The following ARMC9 variants were observed in gnomAD, a reference collection of about 807,000 sequenced individuals.
ARMC9 encodes the protein armadillo repeat containing 9.
In ARMC9, 94 loss-of-function variants were observed where a neutral mutation model predicts 107.0. The ratio of observed to expected loss-of-function variants is 0.88; its 90% CI spans 0.74 to 1.04. The LOEUF is 1.04. ARMC9 is among the 50% of genes least tolerant of loss of function. The probability of loss-of-function intolerance (pLI) is 0.00; values close to 1 mark genes in which losing one functional copy is unlikely to be tolerated. For missense variants in ARMC9, 942 were observed against 1,030.1 expected, an observed-to-expected ratio of 0.91 and a Z score of 1.17; for synonymous variants, 380 against 396.9, an observed-to-expected ratio of 0.96 and a Z score of 0.51.
At chr2:231,345,111 G>A (rs1559492123) in intron 21 of ARMC9, 21 bp downstream of exon 21, 1 of 1,608,798 alleles carries the variant, frequency 6.2e-7, no homozygotes, top group Non-Finnish European at 8.5e-7. Flanking sequence ...GCTAAAGGAA[G>A]CGGGAATTGA....
chr2:231,362,218 C>T lies in ARMC9; in HGVS notation c.2261+1335C>T, dbSNP rs2045617554. 6.6e-6 allele frequency among the ~76,000 whole-genome samples: 1 copy of T among 152,110 alleles called. No individual in the cohort carries two copies. The highest frequency in any genetic ancestry group is 6.5e-5 in the Admixed American group (1 of 15,268). On this transcript the variant is annotated intron_variant, in intron 23 of 24. Transcript: ENST00000611582. The surrounding 1 kb of genome is among the most constrained non-coding windows in gnomAD (Gnocchi z 4.7). ...CTGAAGAGGAGCTTGTCAGCTAGACCAGGGGTTCTCAGGCTCTCAGCATCC... is the reference window on the plus strand; with the variant it reads ...CTGAAGAGGAGCTTGTCAGCTAGACTAGGGGTTCTCAGGCTCTCAGCATCC...
At chr2:231,290,274 A>C (rs867162657) in intron 17 of ARMC9, among the ~76,000 whole-genome samples, 19 of 152,206 alleles carry the variant, frequency 1.2e-4, no homozygotes, top group African/African-American at 3.9e-4. Context: ...ACTTTTCTAG[A>C]AGGTAGTGCT....
At position 231,221,830 on chromosome 2, in the gene ARMC9, C is replaced by CAAAAA. The variant is rs61031104; in HGVS notation, c.505-884_505-880dup. Among the ~76,000 whole-genome samples the CAAAAA allele has an allele frequency of 6.7e-3, 498 of 73,918 alleles. 22 individuals carry two copies. Among genetic ancestry groups the CAAAAA allele is most frequent in the African/African-American group, 0.021 (404 of 18,868 alleles). The allele number at this position is 73,918 out of a possible 152,430, so 48.5% of individuals were successfully genotyped here. ...TGGGTGACAAAGCAAGACTCTGTCT[C>CAAAAA]AAAAAAAAAAAAAAAAAAGAACTTT... On this transcript the variant is annotated intron_variant, in intron 5 of 24. Transcript: ENST00000611582.
At chr2:231,361,256 G>A (rs2045565911) in intron 23 of ARMC9, among the ~76,000 whole-genome samples, 1 of 152,114 alleles carries the variant, frequency 6.6e-6, no homozygotes, top group South Asian at 2.1e-4. Flanking sequence ...GAAAGATGGA[G>A]AAGGAGGTGA....
chr2:231,250,645 G>A (rs776200524), intron 9 of ARMC9, among the ~76,000 whole-genome samples: 3 of 152,186 alleles, frequency 2.0e-5, no homozygotes, highest in African/African-American at 2.4e-5. Flanking sequence ...CTTGGAGGAT[G>A]GGGGGTGAAG....
intron 8 of ARMC9, among the ~76,000 whole-genome samples, chr2:231,237,753 G>GTATATATATATATATATA (rs1226959333): frequency 8.2e-5 from 2 of 24,428 alleles, no homozygotes; most frequent in African/African-American, 2.7e-4. Context: ...TTGGCTATAT[G>GTATATATATATATATATA]TATATATATA....
At chr2:231,259,164 G>C in intron 11 of ARMC9, 62 bp downstream of exon 11, 1 of 1,375,218 alleles carries the variant, frequency 7.3e-7, no homozygotes. Context: ...TTCTTGGCTG[G>C]CTACCTTGCT....
At chr2:231,243,574 A>C (rs1358092632) in intron 9 of ARMC9, among the ~76,000 whole-genome samples, 3 of 152,218 alleles carry the variant, frequency 2.0e-5, no homozygotes, top group African/African-American at 7.2e-5. Context: ...GACTTTGTCT[A>C]ACCACTGGAA....
At chr2:231,262,493 T>G in intron 12 of ARMC9, 95 bp downstream of exon 12, 3 of 1,209,638 alleles carry the variant, frequency 2.5e-6, no homozygotes, top group Non-Finnish European at 2.4e-6. Context: ...TCTGCACATT[T>G]TCAGCTTCGT....
At chr2:231,288,122 T>C (rs1442918026) in intron 17 of ARMC9, among the ~76,000 whole-genome samples, 1 of 152,228 alleles carries the variant, frequency 6.6e-6, no homozygotes, top group African/African-American at 2.4e-5. Context: ...GCTCATAATA[T>C]ATTTAGAAGA....
At chr2:231,240,882 A>G (rs1404682048) in intron 9 of ARMC9, among the ~76,000 whole-genome samples, 3 of 152,154 alleles carry the variant, frequency 2.0e-5, no homozygotes, top group Admixed American at 6.5e-5. Flanking sequence ...TTAGAAGAAT[A>G]TAATTTTCCC....
rs1399766833 is a variant in ARMC9, at chr2:231,216,672, T to C, written c.383T>C (p.Phe128Ser). The C allele has an allele frequency of 1.9e-6, 3 of 1,613,752 alleles. No homozygotes were observed. Among genetic ancestry groups the C allele is most frequent in the Non-Finnish European group, 2.5e-6 (3 of 1,179,866 alleles). ...KEELDEKISY[F>S]KTYLETKGAA... ...GAGCTGGATGAAAAGATTTCCTACT[T>C]CAAAACCTACCTGGAGACCAAAGGG... Residue 128 changes from phenylalanine (F) to serine (S), a missense_variant, in exon 5 of 25, where the codon TTC (phenylalanine) becomes TCC (serine). Phe to Ser is a radical substitution (Grantham distance 155, BLOSUM62 -2). Coordinates refer to ENST00000611582, the MANE Select transcript of ARMC9 (RefSeq NM_001352754.2).
Position 231,331,867 on chromosome 2 carries a change from A to G in ARMC9, c.1848A>G (p.Gly616=), listed in dbSNP as rs1344166265. The G allele has an allele frequency of 1.9e-6, 3 of 1,613,818 alleles. No individual in the cohort carries two copies. The Admixed American group carries it at 5.0e-5, about 27-fold the overall frequency. ...LIQPQLGELS[G]EKLLTTEYLG... Reference sequence around the variant, plus strand: ...AGCCCCAGCTCGGAGAACTCTCAGGAGAGAAGCTTCTGACCACGGAGTACC... The same window carrying G: ...AGCCCCAGCTCGGAGAACTCTCAGGGGAGAAGCTTCTGACCACGGAGTACC... The change falls in exon 20 of 25, where the codon GGA becomes GGG. Residue 616 remains glycine, a synonymous_variant. Coordinates refer to ENST00000611582, the MANE Select transcript of ARMC9 (RefSeq NM_001352754.2).
intron 20 of ARMC9, among the ~76,000 whole-genome samples, chr2:231,332,698 G>A (rs563639911): frequency 1.1e-4 from 17 of 152,296 alleles, no homozygotes; most frequent in African/African-American, 3.4e-4. Context: ...ATCTCAGAGA[G>A]CAGGTAGGGG....
rs986573925 is a variant in ARMC9 at position 231,231,727 on chromosome 2, C to T, written c.623-3497C>T. On this transcript the variant is annotated intron_variant, in intron 7 of 24. Coordinates refer to ENST00000611582, the MANE Select transcript of ARMC9 (RefSeq NM_001352754.2). ...TTTTTGAGATGAAGTCTGGCTTTGT[C>T]GCCCAGCATGGAGTGCAGTGGCGTG... Among the ~76,000 whole-genome samples the T allele has an allele frequency of 5.4e-5, 8 of 147,988 alleles. No homozygotes were observed. In the South Asian group the frequency reaches 1.3e-3, roughly 24 times the overall value.
At chr2:231,366,486 C>T (rs1223684266) in intron 23 of ARMC9, among the ~76,000 whole-genome samples, 1 of 151,978 alleles carries the variant, frequency 6.6e-6, no homozygotes, top group Non-Finnish European at 1.5e-5. Flanking sequence ...TCTCTTGAGG[C>T]CAGGAGTGTG....
intron 19 of ARMC9, among the ~76,000 whole-genome samples, chr2:231,327,248 G>A (rs2043390546): frequency 6.6e-6 from 1 of 152,174 alleles, no homozygotes; most frequent in South Asian, 2.1e-4. Flanking sequence ...ACATATGCTC[G>A]TTTTTTAATT....
chr2:231,269,530 T>C (rs2039134690), intron 12 of ARMC9, among the ~76,000 whole-genome samples: 1 of 150,854 alleles, frequency 6.6e-6, no homozygotes, highest in South Asian at 2.1e-4. Flanking sequence ...GGATTACAGG[T>C]GTGTGCCACC....
chr2:231,296,235 T>C lies in ARMC9; in HGVS notation c.1755T>C (p.Asp585=). 6.2e-7 allele frequency: 1 copy of C among 1,613,416 alleles called. No homozygotes were observed. The highest frequency in any genetic ancestry group is 8.5e-7 in the Non-Finnish European group (1 of 1,179,546). ...LPDGVLESDD[D]EDEDDEEDHD... The stretch of plus-strand genomic sequence containing the variant: ...ATGGTGTTCTTGAATCTGATGATGA[T>C]GAAGATGAAGATGATGAAGTAAGTT... Residue 585 remains aspartate, a synonymous_variant, in exon 19 of 25, where the codon GAT becomes GAC. Transcript: ENST00000611582.
Sources: gnomAD v4.1 joint callset for allele counts (sites outside exome capture counted in the v4.1 genomes callset) on GRCh38, gnomAD v4.1.1 for gene constraint, Gnocchi (gnomAD v3.1) non-coding constraint, MANE v1.5 for transcripts, NCBI Gene and HGNC (gene_info 2026-07-23, HGNC 2026-07-21) for gene names.